The following CLVS1 variants were observed in gnomAD, a reference collection of about 807,000 sequenced individuals.
The protein encoded by CLVS1 is clavesin-1.
A neutral mutation model predicts 33.1 loss-of-function variants in CLVS1; 10 were observed. The observed-to-expected ratio is 0.30, with a 90% CI of 0.19 to 0.51. CLVS1 has a LOEUF of 0.51. Ranked by LOEUF, CLVS1 falls within the 20% of genes least tolerant of loss-of-function variation. CLVS1 has a pLI of 0.97. For missense variants in CLVS1, 343 were observed against 433.4 expected (o/e 0.79, Z 1.85); for synonymous variants, 163 against 166.1 (o/e 0.98, Z 0.14).
Position 61,067,028 on chromosome 8 carries a change from G to C in CLVS1, c.-243+9798G>C, listed in dbSNP as rs7812720. Among the ~76,000 whole-genome samples, 410 of 152,200 alleles carry C rather than the reference G, an allele frequency of 2.7e-3. 5 individuals carry two copies. In the East Asian group the frequency reaches 0.067, roughly 25 times the overall value. On this transcript the variant is annotated intron_variant, in intron 1 of 2. Coordinates refer to the CLVS1 transcript ENST00000522621. Reference sequence around the variant, plus strand: ...GTCCTGAGTCAGGAGCCATAAATGGGGGGGGAGGGCAATGATGTTCAACCT... The same window carrying C: ...GTCCTGAGTCAGGAGCCATAAATGGCGGGGGAGGGCAATGATGTTCAACCT...
At chr8:60,985,100 A>G in the CLVS1 span, among the ~76,000 whole-genome samples, 1 of 152,192 alleles carries the variant, frequency 6.6e-6, no homozygotes, top group East Asian at 1.9e-4. Flanking sequence ...CGGACCAACT[A>G]AGAATGTTAA....
At chr8:61,044,992 T>C in the CLVS1 span, among the ~76,000 whole-genome samples, 1 of 152,176 alleles carries the variant, frequency 6.6e-6, no homozygotes. Context: ...ACAGATGGGA[T>C]GGATTGGCCA....
At chr8:61,430,992 A>G (rs1247911681) in intron 3 of CLVS1, among the ~76,000 whole-genome samples, 2 of 152,216 alleles carry the variant, frequency 1.3e-5, no homozygotes, top group Non-Finnish European at 2.9e-5. Context: ...TAAAAAGGAG[A>G]CAAAATAACT....
rs1478607860 is a variant in CLVS1, at chr8:61,059,477, T to TAC, written c.-243+2248_-243+2249insCA. ...ACACACATATACATACATACATACATATATATATATATATATATATATACA... is the reference window on the plus strand; with the variant it reads ...ACACACATATACATACATACATACATACATATATATATATATATATATATACA... On this transcript the variant is annotated intron_variant, in intron 1 of 2. Coordinates refer to the CLVS1 transcript ENST00000522621. Among the ~76,000 whole-genome samples, 625 of 76,182 alleles carry TAC rather than the reference T, an allele frequency of 8.2e-3. 4 individuals carry two copies. The highest frequency in any genetic ancestry group is 0.032 in the African/African-American group (486 of 15,052). 50.0% of individuals were successfully genotyped at this position (76,182 alleles called of 152,430 possible).
At chr8:61,267,953 C>G (rs974483353) in intron 2 of CLVS1, among the ~76,000 whole-genome samples, 2 of 152,048 alleles carry the variant, frequency 1.3e-5, no homozygotes, top group African/African-American at 2.4e-5. Flanking sequence ...ATGGATCGAT[C>G]AGAGGAGGAG....
intron 2 of CLVS1, among the ~76,000 whole-genome samples, chr8:61,202,022 G>A (rs1485914159): frequency 6.6e-6 from 1 of 152,164 alleles, no homozygotes; most frequent in Non-Finnish European, 1.5e-5. Context: ...TAGCAACTTA[G>A]AACTTTTTAA....
chr8:61,499,525 C>T lies in CLVS1; in HGVS notation c.1048C>T (p.Leu350Phe). The T allele has an allele frequency of 1.2e-6, 2 of 1,613,564 alleles. No homozygotes were observed. The highest frequency in any genetic ancestry group is 2.7e-5 in the African/African-American group (2 of 75,034). The change falls in exon 6 of 6, where the codon CTC becomes TTC. Residue 350 changes from leucine to phenylalanine, a missense_variant. Transcript: ENST00000325897. ...GGGAGAGAATGAGAACACCCAGCCA[C>T]TCCTGGCTCTGGACTGAACCCTGAG... ...EKGENENTQP[L>F]LALD
At chr8:61,477,583 C>T (rs1284570341) in intron 5 of CLVS1, among the ~76,000 whole-genome samples, 4 of 152,146 alleles carry the variant, frequency 2.6e-5, no homozygotes, top group East Asian at 1.9e-4. Context: ...AGTTTATTTG[C>T]ATAGAGGTGT....
At chr8:61,158,122 C>A (rs1563424895) in intron 2 of CLVS1, among the ~76,000 whole-genome samples, 1 of 152,052 alleles carries the variant, frequency 6.6e-6, no homozygotes, top group Non-Finnish European at 1.5e-5. Flanking sequence ...TGAAATATTA[C>A]CCAGAAATAA....
chr8:61,250,649 A>T (rs1808922197), intron 2 of CLVS1, among the ~76,000 whole-genome samples: 1 of 152,086 alleles, frequency 6.6e-6, no homozygotes, highest in Non-Finnish European at 1.5e-5. Context: ...TGTAAGTTGT[A>T]TTCCTAGGTA....
the CLVS1 span, among the ~76,000 whole-genome samples, chr8:61,050,144 A>G: frequency 8.5e-5 from 13 of 152,124 alleles, no homozygotes; most frequent in African/African-American, 2.9e-4. Context: ...TCCAATCTCA[A>G]AAATTCCCAT....
At chr8:61,459,169 G>A (rs1241182972) in intron 5 of CLVS1, among the ~76,000 whole-genome samples, 2 of 152,040 alleles carry the variant, frequency 1.3e-5, no homozygotes, top group Admixed American at 1.3e-4. Context: ...ATCTAGTGTG[G>A]TAAAAAGGCG....
intron 2 of CLVS1, among the ~76,000 whole-genome samples, chr8:61,355,820 A>G (rs529635357): frequency 1.8e-4 from 27 of 152,208 alleles, no homozygotes; most frequent in African/African-American, 6.3e-4. Flanking sequence ...TCATTGTTGG[A>G]CATTTGGGTT....
intron 2 of CLVS1, among the ~76,000 whole-genome samples, chr8:61,180,563 T>C (rs1807208580): frequency 6.6e-6 from 1 of 152,242 alleles, no homozygotes; most frequent in Non-Finnish European, 1.5e-5. Context: ...CCAATATCCT[T>C]GATGAACATC....
intron 3 of CLVS1, among the ~76,000 whole-genome samples, chr8:61,424,357 C>A (rs1358297692): frequency 6.6e-6 from 1 of 152,200 alleles, no homozygotes; most frequent in East Asian, 1.9e-4. Flanking sequence ...CAATGAAAGA[C>A]TAATTCCTAA....
intron 2 of CLVS1, among the ~76,000 whole-genome samples, chr8:61,229,114 G>A (rs1437239132): frequency 6.6e-6 from 1 of 151,878 alleles, no homozygotes; most frequent in African/African-American, 2.4e-5. Flanking sequence ...TTACCTCTTG[G>A]TCATTTGACT....
chr8:61,092,486 T>G (rs1805268360), intron 1 of CLVS1, among the ~76,000 whole-genome samples: 2 of 152,202 alleles, frequency 1.3e-5, no homozygotes, highest in Non-Finnish European at 2.9e-5. Context: ...GCTCTGGAGA[T>G]CAGAAGTCCA....
intron 2 of CLVS1, among the ~76,000 whole-genome samples, chr8:61,316,484 A>G (rs1769828802): frequency 6.6e-6 from 1 of 152,196 alleles, no homozygotes. Flanking sequence ...CATACTGGGG[A>G]GGCAAATATC....
chr8:61,271,035 G>T (rs2129592708), intron 2 of CLVS1, among the ~76,000 whole-genome samples: 1 of 144,980 alleles, frequency 6.9e-6, no homozygotes, highest in South Asian at 2.3e-4. Context: ...TCTGATTTTA[G>T]TTATTTCTTG....
Sources: gnomAD v4.1 joint callset for allele counts (sites outside exome capture counted in the v4.1 genomes callset) on GRCh38, gnomAD v4.1.1 for gene constraint, MANE v1.5 for transcripts, NCBI Gene and HGNC (gene_info 2026-07-23, HGNC 2026-07-21) for gene names.